BTAF1: variants seen among roughly 807,000 people sequenced by gnomAD.
BTAF1 encodes TATA-binding protein-associated factor 172.
In BTAF1, 38 loss-of-function variants were observed where a neutral mutation model predicts 227.1. The observed-to-expected ratio is 0.17, with a 90% CI of 0.13 to 0.22. The LOEUF is 0.22. BTAF1 is among the 10% of genes least tolerant of loss of function. The probability of loss-of-function intolerance (pLI) is 1.00; values close to 1 mark genes in which losing one functional copy is unlikely to be tolerated. For missense variants in BTAF1, 1,598 were observed against 2,204.0 expected, an observed-to-expected ratio of 0.73 and a Z score of 5.51; for synonymous variants, 742 against 751.9, an observed-to-expected ratio of 0.99 and a Z score of 0.21.
intron 19 of BTAF1, among the ~76,000 whole-genome samples, chr10:91,986,136 A>G (rs1347367705): frequency 6.6e-6 from 1 of 151,892 alleles, no homozygotes; most frequent in Non-Finnish European, 1.5e-5. Flanking sequence ...GTTTGTGTAT[A>G]GTATGAAGTA....
At chr10:91,981,094 C>T (rs997505707) in intron 15 of BTAF1, among the ~76,000 whole-genome samples, 6 of 152,048 alleles carry the variant, frequency 3.9e-5, no homozygotes, top group Admixed American at 2.6e-4. Flanking sequence ...TAAAGTGACT[C>T]CTTGTTAACA....
intron 4 of BTAF1, among the ~76,000 whole-genome samples, chr10:91,950,966 G>A (rs370003547): frequency 3.4e-4 from 51 of 151,756 alleles, no homozygotes; most frequent in Non-Finnish European, 5.4e-4. Context: ...GAGTAGCTGG[G>A]ACTACAGGTG....
chr10:91,924,883 T>C (rs1424828071), intron 1 of BTAF1, among the ~76,000 whole-genome samples: 11 of 152,258 alleles, frequency 7.2e-5, no homozygotes, highest in Admixed American at 7.2e-4. Flanking sequence ...GGATAGTTCC[T>C]CTGTGATAGT....
At chr10:92,010,542 T>C (rs963272147) in intron 28 of BTAF1, among the ~76,000 whole-genome samples, 4 of 152,198 alleles carry the variant, frequency 2.6e-5, no homozygotes, top group African/African-American at 7.2e-5. Context: ...GTAGATAAGA[T>C]GACAATGGGC....
chr10:91,972,848 A>G (rs1029475651), intron 14 of BTAF1, among the ~76,000 whole-genome samples: 2 of 152,190 alleles, frequency 1.3e-5, no homozygotes, highest in Non-Finnish European at 2.9e-5. Context: ...TAATGTGCCT[A>G]TTCACACATT....
intron 2 of BTAF1, 47 bp from the exon 3 acceptor site, chr10:91,939,905 G>T: frequency 7.6e-7 from 1 of 1,320,842 alleles, no homozygotes. Flanking sequence ...GCTACCTTGC[G>T]CAAACAATAT....
chr10:91,932,657 ATACT>A (rs1844349443), intron 1 of BTAF1, among the ~76,000 whole-genome samples: 1 of 152,354 alleles, frequency 6.6e-6, no homozygotes, highest in South Asian at 2.1e-4. Flanking sequence ...AATATAATAA[ATACT>A]TAAGTAGCTG....
At chr10:91,947,074 C>T (rs1845420310) in intron 4 of BTAF1, among the ~76,000 whole-genome samples, 1 of 152,260 alleles carries the variant, frequency 6.6e-6, no homozygotes, top group Admixed American at 6.5e-5. Flanking sequence ...AACTCCTGAC[C>T]TCAGGTGAAC....
At chr10:92,019,866 G>T (rs1446865711) in intron 34 of BTAF1, among the ~76,000 whole-genome samples, 1 of 147,274 alleles carries the variant, frequency 6.8e-6, no homozygotes, top group Non-Finnish European at 1.5e-5. Flanking sequence ...TTGTTGAGTT[G>T]TGAAAGTTTT....
intron 2 of BTAF1, among the ~76,000 whole-genome samples, chr10:91,937,246 G>A (rs757521559): frequency 1.4e-4 from 22 of 152,052 alleles, no homozygotes; most frequent in Non-Finnish European, 2.8e-4. Flanking sequence ...TCCCACCTTG[G>A]CCTCCCAAAG....
intron 11 of BTAF1, among the ~76,000 whole-genome samples, chr10:91,960,461 A>G (rs1216446724): frequency 2.6e-5 from 4 of 152,204 alleles, no homozygotes; most frequent in Admixed American, 6.5e-5. Context: ...TCATTTAAAT[A>G]TTGAATACAT....
chr10:92,026,889 TTC>T, intron 36 of BTAF1, 138 bp downstream of exon 36: 1 of 1,022,018 alleles, frequency 9.8e-7, no homozygotes, highest in South Asian at 1.8e-5. Flanking sequence ...CACTTAACTC[TTC>T]TGTGGTATCA....
At chr10:91,961,047 A>G (rs1846475344) in intron 11 of BTAF1, among the ~76,000 whole-genome samples, 2 of 152,182 alleles carry the variant, frequency 1.3e-5, no homozygotes, top group Non-Finnish European at 2.9e-5. Flanking sequence ...CCAGTAAAAC[A>G]TCTCTTTTCT....
At chr10:91,950,161 G>A (rs1245225786) in intron 4 of BTAF1, among the ~76,000 whole-genome samples, 1 of 68,502 alleles carries the variant, frequency 1.5e-5, no homozygotes, top group Admixed American at 1.9e-4. Context: ...GGGGGGGCGG[G>A]AAAGAAGACT....
chr10:92,027,432 G>T, intron 37 of BTAF1, 132 bp downstream of exon 37: 3 of 778,132 alleles, frequency 3.9e-6, no homozygotes, highest in Non-Finnish European at 3.9e-6. Context: ...GGGAATTTTT[G>T]GTGCCTAGAT....
chr10:91,970,259 A>ATG (rs762263408), intron 14 of BTAF1, among the ~76,000 whole-genome samples: 16 of 152,066 alleles, frequency 1.1e-4, no homozygotes, highest in Non-Finnish European at 2.1e-4. Context: ...TGGGCCCTCA[A>ATG]TGTTTGTTAA....
chr10:92,027,520 G>A (rs1395199331), intron 37 of BTAF1, among the ~76,000 whole-genome samples: 1 of 151,888 alleles, frequency 6.6e-6, no homozygotes, highest in Non-Finnish European at 1.5e-5. Context: ...CTTGCCACAA[G>A]GTTTCTTTCC....
At chr10:91,958,093 G>T (rs892966944) in intron 8 of BTAF1, among the ~76,000 whole-genome samples, 2 of 152,092 alleles carry the variant, frequency 1.3e-5, no homozygotes, top group African/African-American at 4.8e-5. Context: ...CTGTCTCCCA[G>T]GCTGAAGTGC....
rs780658168 is a variant in BTAF1, at chr10:92,030,262, A to G, written c.*1329A>G. 6.6e-6 allele frequency: 1 copy of G among 152,568 alleles called. No homozygotes were observed. The highest frequency in any genetic ancestry group is 1.5e-5 in the Non-Finnish European group (1 of 67,988). The allele number at this position is 152,568 out of a possible 1,614,324, so 9.5% of individuals were successfully genotyped here. On this transcript the variant is annotated 3_prime_UTR_variant, in exon 38 of 38. Transcript: ENST00000265990. ...TTGTCACATTTCATTAGCTTTGACA[A>G]CCATACTGTAACATTAAACCTAGCA...
Sources: allele counts gnomAD v4.1 joint callset (sites outside exome capture counted in the v4.1 genomes callset), GRCh38; gene constraint gnomAD v4.1.1; transcripts MANE v1.5; gene names NCBI Gene and HGNC (gene_info 2026-07-23, HGNC 2026-07-21).